The following MICAL2 variants were observed in gnomAD, a reference collection of about 807,000 sequenced individuals.
MICAL2 encodes the protein [F-actin]-monooxygenase MICAL2.
In MICAL2, 77 loss-of-function variants were observed where a neutral mutation model predicts 127.3. That is an observed-to-expected ratio of 0.60 (90% CI 0.50 to 0.73). The LOEUF (loss-of-function observed/expected upper bound fraction) is 0.73, where lower values mean the gene tolerates loss of function less well. MICAL2 is among the 30% of genes least tolerant of loss of function. MICAL2 has a pLI of 0.00. For missense variants in MICAL2, 1,351 were observed against 1,434.4 expected (o/e 0.94, Z 0.94); for synonymous variants, 570 against 551.1 (o/e 1.03, Z -0.48).
At chr11:12,287,389 C>T (rs973039563), downstream of MICAL2, 3 of 355,566 alleles carry the variant, frequency 8.4e-6, no homozygotes, top group Non-Finnish European at 1.5e-5. Flanking sequence ...CCACCCCACC[C>T]CTGGCTCAGG....
chr11:12,120,027 C>T (rs1385851), intron 1 of MICAL2, among the ~76,000 whole-genome samples: 41,043 of 152,064 alleles, frequency 0.27, 8,332 homozygotes, highest in African/African-American at 0.57. Flanking sequence ...CTGCGTGTAC[C>T]GAAGGACAGA....
intron 1 of MICAL2, among the ~76,000 whole-genome samples, chr11:12,128,709 C>G (rs1190503848): frequency 6.6e-6 from 1 of 152,166 alleles, no homozygotes; most frequent in Non-Finnish European, 1.5e-5. Flanking sequence ...TTTCAGCCAC[C>G]CTCTCAGAGT....
exon 32 of MICAL2, chr11:12,327,200 G>A: frequency 6.4e-7 from 1 of 1,551,812 alleles, no homozygotes. Flanking sequence ...GGAGGAGGTG[G>A]AGGAGCGGCA....
intron 27 of MICAL2, chr11:12,262,874 C>A (rs1351390987): frequency 4.1e-6 from 1 of 244,530 alleles, no homozygotes; most frequent in Non-Finnish European, 8.0e-6. Flanking sequence ...GATCATGAAA[C>A]AATACCATGA....
chr11:12,291,737 A>G (rs528580076), downstream of MICAL2, among the ~76,000 whole-genome samples: 40 of 152,220 alleles, frequency 2.6e-4, no homozygotes, highest in Non-Finnish European at 4.4e-4. Flanking sequence ...CTAAAGGTCT[A>G]GCATCTTGTG....
chr11:12,212,436 CGCT>C (rs1855598329), intron 6 of MICAL2, among the ~76,000 whole-genome samples: 1 of 151,996 alleles, frequency 6.6e-6, no homozygotes, highest in Non-Finnish European at 1.5e-5. Flanking sequence ...TGATTGGCAC[CGCT>C]GCTTTCCAGC....
chr11:12,195,391 T>C (rs1256835102), intron 3 of MICAL2, among the ~76,000 whole-genome samples: 1 of 152,154 alleles, frequency 6.6e-6, no homozygotes, highest in East Asian at 1.9e-4. Flanking sequence ...ATAAGATAAA[T>C]TGACTAGTGA....
At chr11:12,163,337 T>C (rs1037037922) in intron 3 of MICAL2, among the ~76,000 whole-genome samples, 3 of 152,246 alleles carry the variant, frequency 2.0e-5, no homozygotes, top group African/African-American at 7.2e-5. Flanking sequence ...AAATCGAATG[T>C]GCTGTATTTA....
chr11:12,250,246 C>T (rs557706949), intron 22 of MICAL2: 1 of 152,348 alleles, frequency 6.6e-6, no homozygotes, highest in East Asian at 1.9e-4. Flanking sequence ...GCTGCACAAA[C>T]GGCCGTGCTT....
downstream of MICAL2, chr11:12,294,797 GCTCCTC>G (rs3841216): frequency 0.022 from 33,182 of 1,500,132 alleles, 327 homozygotes; most frequent in East Asian, 0.11. Flanking sequence ...GCGCCAGGCA[GCTCCTC>G]CTCCTCCTCC....
At chr11:12,210,389 C>T (rs1855297968) in intron 6 of MICAL2, among the ~76,000 whole-genome samples, 2 of 152,310 alleles carry the variant, frequency 1.3e-5, no homozygotes, top group African/African-American at 4.8e-5. Flanking sequence ...CCTGCCCCCT[C>T]AAGAGCCACA....
Position 12,239,587 on chromosome 11 carries a change from T to C in MICAL2, c.2214+2T>C. ...CGGAACCCCTCACTCATGAAGCAGGTGAGTCATGTCAAATACTCACTGGAC... is the reference window on the plus strand; with the variant it reads ...CGGAACCCCTCACTCATGAAGCAGGCGAGTCATGTCAAATACTCACTGGAC... On this transcript the variant is annotated splice_donor_variant, in intron 17 of 27. Coordinates refer to ENST00000683283, the MANE Select transcript of MICAL2 (RefSeq NM_001282663.2). LOFTEE classifies it high-confidence loss of function. 1 of 1,613,794 alleles carries C rather than the reference T, an allele frequency of 6.2e-7. No homozygotes were observed. The highest frequency in any genetic ancestry group is 8.5e-7 in the Non-Finnish European group (1 of 1,179,868).
Position 12,162,307 on chromosome 11 carries a change from C to T in MICAL2, c.152C>T (p.Ser51Phe). 6.2e-7 allele frequency: 1 copy of T among 1,614,244 alleles called. No individual in the cohort carries two copies. The highest frequency in any genetic ancestry group is 8.5e-7 in the Non-Finnish European group (1 of 1,180,048). Residue 51 changes from serine (S) to phenylalanine (F), a missense_variant, in exon 3 of 28, where the codon TCC (serine) becomes TTC (phenylalanine). Coordinates refer to ENST00000683283, the MANE Select transcript of MICAL2 (RefSeq NM_001282663.2). ...LDPLDHRNFY[S>F]KLKSKVTTWK... ...CCTCTGGACCACAGAAACTTTTATT[C>T]CAAGCTCAAGTCCAAGGTGACCACC...
At chr11:12,111,516 C>G (rs1015885123) in intron 1 of MICAL2, among the ~76,000 whole-genome samples, 7 of 152,252 alleles carry the variant, frequency 4.6e-5, no homozygotes, top group Non-Finnish European at 8.8e-5. Flanking sequence ...ACTGGCAGAG[C>G]TGGGAACGGC....
At chr11:12,271,596 G>A (rs1234612883), upstream of MICAL2, among the ~76,000 whole-genome samples, 1 of 152,168 alleles carries the variant, frequency 6.6e-6, no homozygotes, top group Non-Finnish European at 1.5e-5. Flanking sequence ...GGGATGCTAG[G>A]GTGGATGAAG....
At position 12,324,049 on chromosome 11, in the gene MICAL2, G is replaced by T. The variant is rs185748045; in HGVS notation, c.5400G>T (p.Leu1800Phe). 8 of 1,613,498 alleles carry T rather than the reference G, an allele frequency of 5.0e-6. No individual in the cohort carries two copies. The Admixed American group carries it at 1.2e-4, about 24-fold the overall frequency. Reference sequence around the variant, plus strand: ...AGCAGTTGGTTAAGCAAGAAGAATTGAAAAGACTCTATAAGGCTCAGGTCA... The same window carrying T: ...AGCAGTTGGTTAAGCAAGAAGAATTTAAAAGACTCTATAAGGCTCAGGTCA... Residue 1800 changes from leucine (L) to phenylalanine (F), a missense_variant, in exon 31 of 35, where the codon TTG (leucine) becomes TTT (phenylalanine). Leu to Phe is a conservative substitution (Grantham distance 22, BLOSUM62 0). Transcript: ENST00000646065.
At chr11:12,345,901 C>T (rs1479195613) in intron 32 of MICAL2, among the ~76,000 whole-genome samples, 1 of 152,158 alleles carries the variant, frequency 6.6e-6, no homozygotes, top group East Asian at 1.9e-4. Flanking sequence ...AATGGGCATC[C>T]TTCCTAGGAC....
chr11:12,266,964 G>A (rs1025504309), downstream of MICAL2, among the ~76,000 whole-genome samples: 9 of 152,166 alleles, frequency 5.9e-5, no homozygotes, highest in South Asian at 2.1e-4. Flanking sequence ...AAAACTTGTC[G>A]GGCATTCTCG....
At chr11:12,236,357 C>T in intron 16 of MICAL2, 112 bp downstream of exon 16, 1 of 919,556 alleles carries the variant, frequency 1.1e-6, no homozygotes, top group Non-Finnish European at 1.8e-6. Context: ...CTCTCATGAA[C>T]CACTGGGTTC....
Sources: allele counts gnomAD v4.1 joint callset (sites outside exome capture counted in the v4.1 genomes callset), GRCh38; gene constraint gnomAD v4.1.1; transcripts MANE v1.5; gene names NCBI Gene and HGNC (gene_info 2026-07-23, HGNC 2026-07-21).